SCN1A: variants seen among roughly 807,000 people sequenced by gnomAD.
SCN1A encodes sodium channel protein type 1 subunit alpha.
Under a neutral mutation model 193.7 loss-of-function variants are expected in SCN1A, and 13 were observed. That is an observed-to-expected ratio of 0.07 (90% CI 0.04 to 0.11). SCN1A has a LOEUF of 0.11. Ranked by LOEUF, SCN1A falls within the 10% of genes least tolerant of loss-of-function variation. SCN1A has a pLI of 1.00. For missense variants in SCN1A, 1,432 were observed against 2,451.1 expected (o/e 0.58, Z 8.78); for synonymous variants, 781 against 843.6 (o/e 0.93, Z 1.29).
chr2:165,991,896 A>G lies in SCN1A; in HGVS notation c.5379T>C (p.Thr1793=), dbSNP rs1553520152. The G allele has an allele frequency of 6.2e-7, 1 of 1,613,974 alleles. No homozygotes were observed. The highest frequency in any genetic ancestry group is 1.7e-5 in the Admixed American group (1 of 59,968). Residue 1793 remains threonine, a synonymous_variant, in exon 29 of 29, where the codon ACT becomes ACC. Coordinates refer to ENST00000674923, the MANE Select transcript of SCN1A (RefSeq NM_001165963.4). ...AVILENFSVA[T]EESAEPLSED... ...CACTCAGAGGCTCTGCACTTTCTTCAGTAGCAACACTGAAGTTCTCCAGGA... is the reference window on the plus strand; with the variant it reads ...CACTCAGAGGCTCTGCACTTTCTTCGGTAGCAACACTGAAGTTCTCCAGGA...
At chr2:166,023,099 T>C (rs565764625) in intron 19 of SCN1A, among the ~76,000 whole-genome samples, 2 of 152,370 alleles carry the variant, frequency 1.3e-5, no homozygotes, top group African/African-American at 4.8e-5. Flanking sequence ...TTTATAGCTA[T>C]ACCTCATTAC....
chr2:166,002,735 A>G lies in SCN1A; in HGVS notation c.4021T>C (p.Leu1341=). The G allele has an allele frequency of 6.2e-7, 1 of 1,610,746 alleles. No individual in the cohort carries two copies. The highest frequency in any genetic ancestry group is 8.5e-7 in the Non-Finnish European group (1 of 1,178,174). ...EGMRVVVNAL[L]GAIPSIMNVL... Reference sequence around the variant, plus strand: ...TTCATGATGGATGGAATTGCTCCTAAAAGGGCATTCACAACCACCTAATAC... The same window carrying G: ...TTCATGATGGATGGAATTGCTCCTAGAAGGGCATTCACAACCACCTAATAC... The change falls in exon 24 of 29, where the codon TTA becomes CTA. Residue 1341 remains leucine (L), a synonymous_variant. Coordinates refer to ENST00000674923, the MANE Select transcript of SCN1A (RefSeq NM_001165963.4).
In SCN1A at chr2:166,075,417, G is replaced by A. The variant is rs1186215276; in HGVS notation, c.-49-1747C>T. ...CTATTTTAAAATACATATTCAAATG[G>A]AATCTTATTATACAAACTGTTTTAC... On this transcript the variant is annotated intron_variant, in intron 3 of 28. Transcript: ENST00000674923. 3.3e-5 allele frequency: 5 copies of A among 151,776 alleles called. No homozygotes were observed. In the East Asian group the frequency reaches 9.6e-4, roughly 29 times the overall value. The allele number at this position is 151,776 out of a possible 1,614,324, so 9.4% of individuals were successfully genotyped here. A position where few individuals can be genotyped will look rare whatever the true frequency, so the allele number is the denominator to read the frequency against.
At position 166,120,613 on chromosome 2, in the gene SCN1A, T is replaced by A. The variant is rs1226690989; in HGVS notation, c.-142+6311A>T. 2.6e-3 allele frequency among the ~76,000 whole-genome samples: 338 copies of A among 128,684 alleles called. 3 individuals carry two copies. Among genetic ancestry groups the A allele is most frequent in the African/African-American group, 9.6e-3 (323 of 33,628 alleles). The allele number at this position is 128,684 out of a possible 152,430, so 84.4% of individuals were successfully genotyped here. A position where few individuals can be genotyped will look rare whatever the true frequency, so the allele number is the denominator to read the frequency against. On this transcript the variant is annotated intron_variant, in intron 2 of 28. Transcript: ENST00000674923. ...TCTTTTCTCTTTTTTTTTTTTTTTT[T>A]TTTTTTTTTTTGAGACAGAGTCTTG...
intron 23 of SCN1A, 54 bp from the exon 24 acceptor site, chr2:166,002,807 A>T: frequency 6.8e-7 from 1 of 1,470,462 alleles, no homozygotes; most frequent in Non-Finnish European, 9.2e-7. Context: ...GTTAATAAAG[A>T]AAAAAAATTC....
chr2:166,020,229 T>G (rs978792347), intron 19 of SCN1A, among the ~76,000 whole-genome samples: 1 of 152,154 alleles, frequency 6.6e-6, no homozygotes, highest in African/African-American at 2.4e-5. Context: ...CTTCTTAATG[T>G]TCTCTGACTT....
At chr2:166,047,114 T>G (rs1697935135) in intron 11 of SCN1A, 138 bp from the exon 12 acceptor site, 1 of 951,510 alleles carries the variant, frequency 1.1e-6, no homozygotes, top group Non-Finnish European at 1.6e-6. Context: ...GTACTTTTTT[T>G]TTATTGTTTC....
At chr2:166,071,357 T>C (rs569038128) in intron 4 of SCN1A, among the ~76,000 whole-genome samples, 29 of 152,290 alleles carry the variant, frequency 1.9e-4, no homozygotes, top group African/African-American at 7.0e-4. Context: ...TAATAATCTC[T>C]TATCAACTAA....
In SCN1A at chr2:166,056,466, T is replaced by C. The variant is rs796052956; in HGVS notation, c.418A>G (p.Thr140Ala). 18 of 1,607,694 alleles carry C rather than the reference T, an allele frequency of 1.1e-5. No individual in the cohort carries two copies. The highest frequency in any genetic ancestry group is 1.5e-5 in the Non-Finnish European group (18 of 1,174,442). The change falls in exon 6 of 29, where the codon ACA becomes GCA. Residue 140 changes from threonine (T) to alanine (A), a missense_variant. Physicochemically the swap from Thr to Ala is moderately conservative, Grantham distance 58. Around this residue, in one of 18 missense-constraint regions of SCN1A, gnomAD observed 123 missense variants for 282.8 expected, o/e 0.43. Transcript: ENST00000674923. ...FSMLIMCTIL[T>A]NCVFMTMSNP... Reference sequence around the variant, plus strand: ...CTCATTGTCATAAACACACAGTTTGTCAAAATAGTGCACATAATTAGCATG... The same window carrying C: ...CTCATTGTCATAAACACACAGTTTGCCAAAATAGTGCACATAATTAGCATG...
chr2:165,999,327 T>C (rs907921851), intron 25 of SCN1A, among the ~76,000 whole-genome samples: 2 of 151,448 alleles, frequency 1.3e-5, no homozygotes, highest in African/African-American at 2.4e-5. Context: ...TCCATAACTT[T>C]TCATGCTGTC....
At chr2:166,020,346 T>G (rs1693884876) in intron 19 of SCN1A, among the ~76,000 whole-genome samples, 1 of 152,230 alleles carries the variant, frequency 6.6e-6, no homozygotes, top group Non-Finnish European at 1.5e-5. Context: ...ATATATTTTA[T>G]TATAACTTCT....
intron 3 of SCN1A, 27 bp from the exon 4 acceptor site, chr2:166,073,697 T>G (rs761298897): frequency 1.6e-4 from 233 of 1,494,618 alleles, no homozygotes; most frequent in Non-Finnish European, 2.1e-4. Context: ...ACAGATATTT[T>G]AAAGAGTGGA....
chr2:166,126,192 C>T (rs1268046910), intron 2 of SCN1A, among the ~76,000 whole-genome samples: 2 of 152,230 alleles, frequency 1.3e-5, no homozygotes, highest in South Asian at 2.1e-4. Context: ...TTCCTGTCTA[C>T]ACATTATGTT....
chr2:166,009,404 A>G (rs988555409), intron 23 of SCN1A: 1 of 188,390 alleles, frequency 5.3e-6, no homozygotes, highest in East Asian at 1.3e-4. Context: ...GATTACCATT[A>G]TATCATTACA....
At chr2:166,124,665 G>A (rs1691034905) in intron 2 of SCN1A, among the ~76,000 whole-genome samples, 3 of 152,262 alleles carry the variant, frequency 2.0e-5, no homozygotes, top group Admixed American at 1.3e-4. Flanking sequence ...TCACATGTAC[G>A]ACTGCACCCA....
chr2:166,103,909 TGTGTATAGCTAGAGCA>T (rs1401003318), intron 2 of SCN1A, among the ~76,000 whole-genome samples: 1 of 152,204 alleles, frequency 6.6e-6, no homozygotes, highest in Admixed American at 6.5e-5. Flanking sequence ...AAAGTGATAC[TGTGTATAGCTAGAGCA>T]GTGTATAGCT....
chr2:166,024,953 C>G (rs968200924), intron 19 of SCN1A, among the ~76,000 whole-genome samples: 15 of 152,208 alleles, frequency 9.9e-5, no homozygotes, highest in Non-Finnish European at 1.9e-4. Flanking sequence ...GGTGCTTGGT[C>G]TTTTGCCTAT....
intron 19 of SCN1A, among the ~76,000 whole-genome samples, chr2:166,025,959 A>G (rs555299567): frequency 6.6e-6 from 1 of 152,226 alleles, no homozygotes; most frequent in East Asian, 1.9e-4. Context: ...ATATTTGTTT[A>G]GGAGGCAATT....
intron 19 of SCN1A, among the ~76,000 whole-genome samples, chr2:166,029,052 T>A (rs972571296): frequency 6.6e-6 from 1 of 152,080 alleles, no homozygotes; most frequent in Admixed American, 6.6e-5. Flanking sequence ...CGATGAGAAC[T>A]GATAAAGCAT....
Sources: allele counts gnomAD v4.1 joint callset (sites outside exome capture counted in the v4.1 genomes callset), GRCh38; gene constraint gnomAD v4.1.1; regional missense constraint gnomAD v4.1.1; transcripts MANE v1.5; gene names NCBI Gene and HGNC (gene_info 2026-07-23, HGNC 2026-07-21).